Variants in MICU2 observed in about 807,000 individuals in gnomAD.
The protein encoded by MICU2 is calcium uptake protein 2, mitochondrial.
MICU2 carries 64 observed loss-of-function variants against 60.4 expected under a neutral mutation model. The ratio of observed to expected loss-of-function variants is 1.06; its 90% CI spans 0.87 to 1.31. MICU2 has a LOEUF of 1.31. Ranked by LOEUF, MICU2 falls within the 50% of genes most tolerant of loss-of-function variation. The pLI, the probability that MICU2 is intolerant of heterozygous loss-of-function variation, is 0.00. For missense variants in MICU2, 569 were observed against 531.0 expected (o/e 1.07, Z -0.70); for synonymous variants, 201 against 175.0 (o/e 1.15, Z -1.17).
intron 6 of MICU2, among the ~76,000 whole-genome samples, chr13:21,519,247 G>T (rs866359963): frequency 6.6e-6 from 1 of 151,970 alleles, no homozygotes; most frequent in Non-Finnish European, 1.5e-5. Context: ...TAGTAGAGAC[G>T]GGGTTTCTCC....
intron 2 of MICU2, among the ~76,000 whole-genome samples, chr13:21,545,527 C>A (rs373382533): frequency 9.9e-5 from 15 of 152,048 alleles, no homozygotes; most frequent in African/African-American, 3.1e-4. Flanking sequence ...CTAAAAAATA[C>A]AAAAATTGAT....
chr13:21,603,862 C>T (rs1888886354), intron 1 of MICU2, 77 bp downstream of exon 1: 5 of 1,529,142 alleles, frequency 3.3e-6, no homozygotes, highest in Middle Eastern at 1.9e-4. Context: ...CCGCCCAGAG[C>T]CAAACCACTC....
At chr13:21,603,855 C>T (rs925099047) in intron 1 of MICU2, 84 bp downstream of exon 1, 3 of 1,480,452 alleles carry the variant, frequency 2.0e-6, no homozygotes, top group Non-Finnish European at 1.8e-6. Context: ...GGGAGAGCCG[C>T]CCAGAGCCAA....
intron 1 of MICU2, among the ~76,000 whole-genome samples, chr13:21,575,709 G>A (rs1406563186): frequency 1.2e-4 from 13 of 112,632 alleles, no homozygotes; most frequent in Non-Finnish European, 1.6e-4. Flanking sequence ...CAGCCTGAGC[G>A]ACAGAGTGAG....
At chr13:21,493,930 C>T (rs903505792) in intron 11 of MICU2, among the ~76,000 whole-genome samples, 21 of 152,056 alleles carry the variant, frequency 1.4e-4, no homozygotes, top group African/African-American at 3.4e-4. Context: ...TATTTGGATC[C>T]GGGGGACCAC....
At chr13:21,591,351 G>A (rs537749657) in intron 1 of MICU2, among the ~76,000 whole-genome samples, 1 of 152,236 alleles carries the variant, frequency 6.6e-6, no homozygotes, top group East Asian at 1.9e-4. Flanking sequence ...ACCAATACAG[G>A]AGCACCCAGA....
chr13:21,553,872 G>A (rs1887634788), intron 2 of MICU2, among the ~76,000 whole-genome samples: 2 of 151,972 alleles, frequency 1.3e-5, no homozygotes, highest in Non-Finnish European at 2.9e-5. Context: ...AAAAGGCAGG[G>A]GTTGCAATCC....
intron 2 of MICU2, among the ~76,000 whole-genome samples, chr13:21,552,815 C>T (rs1446549377): frequency 1.3e-5 from 2 of 152,140 alleles, no homozygotes; most frequent in African/African-American, 4.8e-5. Context: ...GAGTACCATG[C>T]TGTTTTGGTT....
At chr13:21,553,334 C>T (rs9552448) in intron 2 of MICU2, among the ~76,000 whole-genome samples, 29,267 of 152,038 alleles carry the variant, frequency 0.19, 3,886 homozygotes, top group East Asian at 0.66. Context: ...TGGGCTGAGA[C>T]GATGGGGTTT....
intron 5 of MICU2, among the ~76,000 whole-genome samples, chr13:21,521,911 G>A (rs181159291): frequency 6.6e-6 from 1 of 152,098 alleles, no homozygotes; most frequent in Non-Finnish European, 1.5e-5. Context: ...ACAAGTAGTT[G>A]CGACTACAGG....
rs1225862556 is a variant in MICU2 at position 21,591,201 on chromosome 13, G to GA, written c.210+12737_210+12738insT. ...GGAAAATTCACCAAGCAAATGGAAA[G>GA]CAAAAAAAAAAAGCAGGGGTTGCAA... On this transcript the variant is annotated intron_variant, in intron 1 of 11. Transcript: ENST00000382374. 3.6e-3 allele frequency among the ~76,000 whole-genome samples: 497 copies of GA among 136,898 alleles called. 9 individuals are homozygous for GA. Among genetic ancestry groups the GA allele is most frequent in the Middle Eastern group, 0.011 (3 of 272 alleles). The allele number at this position is 136,898 out of a possible 152,430, so 89.8% of individuals were successfully genotyped here.
At chr13:21,571,725 C>G (rs966582941) in intron 1 of MICU2, among the ~76,000 whole-genome samples, 1 of 152,024 alleles carries the variant, frequency 6.6e-6, no homozygotes, top group Non-Finnish European at 1.5e-5. Flanking sequence ...AAAGGCAAAA[C>G]AGAGTAGGAG....
chr13:21,599,946 G>GT (rs1335064183), intron 1 of MICU2, among the ~76,000 whole-genome samples: 1 of 152,176 alleles, frequency 6.6e-6, no homozygotes, highest in African/African-American at 2.4e-5. Flanking sequence ...GGCAGTTACT[G>GT]TAATACCACT....
At chr13:21,542,090 T>G (rs921280213) in intron 2 of MICU2, among the ~76,000 whole-genome samples, 1 of 152,140 alleles carries the variant, frequency 6.6e-6, no homozygotes, top group Non-Finnish European at 1.5e-5. Context: ...TCTCTCCTGC[T>G]TCCTCTTTCT....
At chr13:21,544,528 A>AC (rs1887363130) in intron 2 of MICU2, among the ~76,000 whole-genome samples, 3 of 148,088 alleles carry the variant, frequency 2.0e-5, no homozygotes, top group Admixed American at 6.8e-5. Context: ...AAAAAAAAAA[A>AC]AAAAAACTCA....
intron 4 of MICU2, chr13:21,530,872 G>A (rs547482321): frequency 1.9e-4 from 145 of 751,876 alleles, no homozygotes; most frequent in African/African-American, 1.7e-3. Context: ...ACCCTCCTAC[G>A]TCCTGTACAG....
chr13:21,525,581 C>T (rs186601520), intron 4 of MICU2, among the ~76,000 whole-genome samples: 6 of 151,862 alleles, frequency 4.0e-5, no homozygotes, highest in African/African-American at 1.4e-4. Flanking sequence ...ACATCCTCAA[C>T]GCTTGTATTT....
intron 1 of MICU2, among the ~76,000 whole-genome samples, chr13:21,571,691 G>C (rs1197766632): frequency 1.3e-5 from 2 of 152,214 alleles, no homozygotes; most frequent in Admixed American, 6.5e-5. Flanking sequence ...GAGCGAGACT[G>C]CGTCTCAAAA....
In MICU2 at chr13:21,503,013, G is replaced by A. The variant is rs774623848; in HGVS notation, c.846C>T (p.Asp282=). 8.7e-6 allele frequency: 14 copies of A among 1,610,550 alleles called. No homozygotes were observed. In the South Asian group the frequency reaches 1.6e-4, roughly 18 times the overall value. The part of the protein sequence containing the change: ...SKGLSFMRKE[D]FAEWLLFFTN... Reference sequence around the variant, plus strand: ...TGAAAAAAAGTAGCCACTCTGCAAAGTCTTCTTTTCTCATGAAACTCAAAC... The same window carrying A: ...TGAAAAAAAGTAGCCACTCTGCAAAATCTTCTTTTCTCATGAAACTCAAAC... Residue 282 remains aspartate (D), a synonymous_variant, in exon 9 of 12, where the codon GAC becomes GAT. Transcript: ENST00000382374.
Sources: allele counts gnomAD v4.1 joint callset (sites outside exome capture counted in the v4.1 genomes callset), GRCh38; gene constraint gnomAD v4.1.1; transcripts MANE v1.5; gene names NCBI Gene and HGNC (gene_info 2026-07-23, HGNC 2026-07-21).